Variants in ASMTL observed in about 807,000 individuals in gnomAD.
ASMTL encodes the protein probable bifunctional dTTP/UTP pyrophosphatase/methyltransferase protein.
ASMTL carries 57 observed loss-of-function variants against 60.3 expected under a neutral mutation model. The ratio of observed to expected loss-of-function variants is 0.95; its 90% CI spans 0.76 to 1.18. The LOEUF (loss-of-function observed/expected upper bound fraction) is 1.18. Among genes scored for constraint, ASMTL ranks in the 50% most tolerant of loss-of-function variants. The pLI is 0.00. For missense variants in ASMTL, 981 were observed against 852.6 expected, an observed-to-expected ratio of 1.15 and a Z score of -1.88; for synonymous variants, 419 against 373.0, an observed-to-expected ratio of 1.12 and a Z score of -1.42.
chrX:1,438,511 C>T (rs1459073980), intron 3 of ASMTL, among the ~76,000 whole-genome samples: 6 of 151,974 alleles, frequency 3.9e-5, no homozygotes, highest in Admixed American at 1.3e-4. Flanking sequence ...TCTAGAACTG[C>T]GTACCTTCCT....
intron 5 of ASMTL, 55 bp from the exon 6 acceptor site, chrX:1,432,432 C>T (rs2090822003): frequency 2.2e-6 from 3 of 1,377,624 alleles, no homozygotes; most frequent in African/African-American, 1.4e-5. Flanking sequence ...CACCTCCGTG[C>T]CCTGACAGCT....
intron 12 of ASMTL, among the ~76,000 whole-genome samples, chrX:1,412,299 C>G (rs1173861939): frequency 6.6e-6 from 1 of 152,160 alleles, no homozygotes; most frequent in African/African-American, 2.4e-5. Flanking sequence ...GCGATCTCGG[C>G]TCACTGCAGT....
chrX:1,411,242 AGAG>A (rs1215942001), intron 12 of ASMTL, among the ~76,000 whole-genome samples: 3 of 150,120 alleles, frequency 2.0e-5, no homozygotes, highest in African/African-American at 7.4e-5. Flanking sequence ...AGACAGAGGG[AGAG>A]AAGAATGGAA....
rs533743116 is a variant in ASMTL at position 1,439,289 on chromosome X, C to A, written c.226-145G>T. On this transcript the variant is annotated intron_variant, in intron 2 of 12. Coordinates refer to ENST00000381317, the MANE Select transcript of ASMTL (RefSeq NM_004192.4). ...TGAAGGCTGGGGGTGCTCAAGGTCA[C>A]GAGCAAGGACACAAGTGGGTCCCGC... 3 of 736,478 alleles carry A rather than the reference C, an allele frequency of 4.1e-6. No homozygotes were observed. The Admixed American group carries it at 7.7e-5, about 19-fold the overall frequency. 45.6% of individuals were successfully genotyped at this position (736,478 alleles called of 1,614,324 possible). A position where few individuals can be genotyped will look rare whatever the true frequency, so the allele number is the denominator to read the frequency against.
intron 10 of ASMTL, 24 bp from the exon 11 acceptor site, chrX:1,418,140 C>T (rs759887917): frequency 2.2e-5 from 35 of 1,575,046 alleles, no homozygotes; most frequent in Non-Finnish European, 2.7e-5. Context: ...AATGCATGCT[C>T]TGTGGCTGGG....
At chrX:1,449,501 TC>T (rs1326500065) in intron 1 of ASMTL, among the ~76,000 whole-genome samples, 7 of 151,592 alleles carry the variant, frequency 4.6e-5, no homozygotes, top group Non-Finnish European at 8.8e-5. Flanking sequence ...GCATGTGGTG[TC>T]CCCCCTCCCA....
intron 5 of ASMTL, 86 bp downstream of exon 5, chrX:1,434,933 GTCC>G (rs1401391248): frequency 6.9e-7 from 1 of 1,442,790 alleles, no homozygotes; most frequent in Non-Finnish European, 9.7e-7. Flanking sequence ...GTGAGCAACC[GTCC>G]TCCTCCCTCA....
chrX:1,414,331 G>A, intron 11 of ASMTL, among the ~76,000 whole-genome samples: 1 of 152,312 alleles, frequency 6.6e-6, no homozygotes, highest in South Asian at 2.1e-4. Context: ...TGAGGGGAAA[G>A]AAGGGGCGGG....
At chrX:1,405,827 G>C (rs1158101452) in intron 12 of ASMTL, among the ~76,000 whole-genome samples, 1 of 150,900 alleles carries the variant, frequency 6.6e-6, no homozygotes, top group Non-Finnish European at 1.5e-5. Flanking sequence ...GTGAATAGAT[G>C]GTAGCTGATG....
At chrX:1,405,933 GATGGATGA>G (rs1268894115) in intron 12 of ASMTL, among the ~76,000 whole-genome samples, 1 of 151,672 alleles carries the variant, frequency 6.6e-6, no homozygotes, top group Non-Finnish European at 1.5e-5. Flanking sequence ...TGAGTGGATG[GATGGATGA>G]ATGGATGAGT....
At chrX:1,439,204 T>C in intron 2 of ASMTL, 60 bp from the exon 3 acceptor site, 1 of 1,579,238 alleles carries the variant, frequency 6.3e-7, no homozygotes. Flanking sequence ...CAGAGAAGTT[T>C]TCCCGTCGGT....
At chrX:1,418,829 A>G in intron 10 of ASMTL, 153 bp downstream of exon 10, 1 of 468,864 alleles carries the variant, frequency 2.1e-6, no homozygotes, top group South Asian at 9.0e-5. Context: ...ACTTGGGAAT[A>G]TCCACCCATG....
chrX:1,438,813 G>C (rs776655080), intron 3 of ASMTL, among the ~76,000 whole-genome samples: 260 of 151,952 alleles, frequency 1.7e-3, no homozygotes, highest in Non-Finnish European at 1.7e-3. Context: ...TTTTAGTAGA[G>C]ATGGGGTTTT....
At chrX:1,405,276 GTGGA>G (rs1346552328) in intron 12 of ASMTL, among the ~76,000 whole-genome samples, 5 of 119,140 alleles carry the variant, frequency 4.2e-5, no homozygotes, top group African/African-American at 1.5e-4. Flanking sequence ...AGATAGATGA[GTGGA>G]TGGATAGATG....
chrX:1,406,490 G>C (rs1269295895), intron 12 of ASMTL, among the ~76,000 whole-genome samples: 1 of 151,618 alleles, frequency 6.6e-6, no homozygotes, highest in Non-Finnish European at 1.5e-5. Context: ...TGAGTGGATG[G>C]ATAGATGGAT....
At chrX:1,418,212 C>T in intron 10 of ASMTL, 96 bp from the exon 11 acceptor site, 2 of 1,368,696 alleles carry the variant, frequency 1.5e-6, no homozygotes, top group East Asian at 2.4e-5. Flanking sequence ...TGTTCAAGGG[C>T]ATGGCATTGA....
chrX:1,415,807 C>T (rs1438626673), intron 11 of ASMTL, among the ~76,000 whole-genome samples: 6 of 152,254 alleles, frequency 3.9e-5, no homozygotes, highest in Admixed American at 6.5e-5. Context: ...TGTGTGGACC[C>T]GCAGAGAGAC....
intron 12 of ASMTL, 104 bp downstream of exon 12, chrX:1,412,628 G>A (rs2090073073): frequency 2.1e-5 from 32 of 1,514,806 alleles, no homozygotes; most frequent in South Asian, 1.7e-4. Flanking sequence ...CTCCCAAAGC[G>A]CTGGGATGAC....
At chrX:1,413,216 C>G (rs1378249406) in intron 11 of ASMTL, 28 of 221,628 alleles carry the variant, frequency 1.3e-4, no homozygotes, top group Non-Finnish European at 2.6e-4. Context: ...TGCAAATTAG[C>G]TGGACAGGGG....
Sources: allele counts gnomAD v4.1 joint callset (sites outside exome capture counted in the v4.1 genomes callset), GRCh38; gene constraint gnomAD v4.1.1; transcripts MANE v1.5; gene names NCBI Gene and HGNC (gene_info 2026-07-23, HGNC 2026-07-21).